Variants in ARHGAP15 observed in about 807,000 individuals in gnomAD.
The protein encoded by ARHGAP15 is rho GTPase-activating protein 15.
In ARHGAP15, 51 loss-of-function variants were observed where a neutral mutation model predicts 63.7. The observed-to-expected ratio is 0.80, with a 90% CI of 0.64 to 1.01. ARHGAP15 has a LOEUF of 1.01. ARHGAP15 is among the 50% of genes least tolerant of loss of function. The pLI, the probability that ARHGAP15 is intolerant of heterozygous loss-of-function variation, is 0.00. For synonymous variants in ARHGAP15, 191 were observed against 193.8 expected (o/e 0.99, Z 0.12); for missense variants, 560 against 564.6 (o/e 0.99, Z 0.08).
intron 8 of ARHGAP15, among the ~76,000 whole-genome samples, chr2:143,484,728 A>G (rs903145164): frequency 6.6e-6 from 1 of 152,228 alleles, no homozygotes; most frequent in Non-Finnish European, 1.5e-5. Context: ...CATTTTAAAA[A>G]GCAAAAAGAA....
rs5834942 is a variant in ARHGAP15 at position 143,259,020 on chromosome 2, C to CT, written c.474+8431dup. ...AACTTAGAAAGACCTTGATTGTGGTCTTTTTTTTTTTCTTGAAGTTGAATT... is the reference window on the plus strand; with the variant it reads ...AACTTAGAAAGACCTTGATTGTGGTCTTTTTTTTTTTTCTTGAAGTTGAATT... On this transcript the variant is annotated intron_variant, in intron 6 of 13. Coordinates refer to ENST00000295095, the MANE Select transcript of ARHGAP15 (RefSeq NM_018460.4). Among the ~76,000 whole-genome samples the CT allele has an allele frequency of 9.5e-3, 1,406 of 148,406 alleles. 11 individuals carry two copies. Among genetic ancestry groups the CT allele is most frequent in the African/African-American group, 0.028 (1,136 of 40,776 alleles).
chr2:143,536,680 A>G (rs1333207662), intron 10 of ARHGAP15, among the ~76,000 whole-genome samples: 2 of 151,922 alleles, frequency 1.3e-5, no homozygotes, highest in Non-Finnish European at 2.9e-5. Flanking sequence ...ACCTTCATCC[A>G]TGTCCCTACA....
chr2:143,142,677 A>G (rs1689419058), intron 1 of ARHGAP15, among the ~76,000 whole-genome samples: 1 of 152,058 alleles, frequency 6.6e-6, no homozygotes, highest in African/African-American at 2.4e-5. Context: ...TTGTGTTGTG[A>G]TAGTAACAGT....
chr2:143,227,844 T>A (rs1032956286), intron 4 of ARHGAP15, among the ~76,000 whole-genome samples: 3 of 152,134 alleles, frequency 2.0e-5, no homozygotes, highest in Non-Finnish European at 4.4e-5. Flanking sequence ...TAGAATAAAT[T>A]TAAATTCGTA....
chr2:143,649,813 A>T (rs1681071538), intron 12 of ARHGAP15, among the ~76,000 whole-genome samples: 1 of 142,348 alleles, frequency 7.0e-6, no homozygotes. Context: ...TGAATTGGCC[A>T]CTTTGAACAA....
At chr2:143,737,114 A>T (rs7584742) in intron 13 of ARHGAP15, among the ~76,000 whole-genome samples, 97,988 of 152,126 alleles carry the variant, frequency 0.64, 34,709 homozygotes, top group Non-Finnish European at 0.8. Context: ...GGAACAGATG[A>T]GCGCAGTTGA....
intron 3 of ARHGAP15, among the ~76,000 whole-genome samples, chr2:143,207,892 C>G (rs1194555147): frequency 1.3e-5 from 2 of 152,066 alleles, no homozygotes; most frequent in Non-Finnish European, 2.9e-5. Context: ...TCTGATTAAT[C>G]TAATGCTGTG....
chr2:143,463,974 A>T (rs1691083860), intron 8 of ARHGAP15, among the ~76,000 whole-genome samples: 1 of 152,168 alleles, frequency 6.6e-6, no homozygotes, highest in African/African-American at 2.4e-5. Flanking sequence ...TGATGGGCAT[A>T]CCTATCCAAC....
intron 11 of ARHGAP15, among the ~76,000 whole-genome samples, chr2:143,563,038 A>G (rs1696091923): frequency 6.6e-6 from 1 of 152,198 alleles, no homozygotes; most frequent in Admixed American, 6.5e-5. Context: ...TTGTGAAATA[A>G]AGGCAGAAGG....
chr2:143,481,000 T>C (rs1316603129), intron 8 of ARHGAP15, among the ~76,000 whole-genome samples: 2 of 152,152 alleles, frequency 1.3e-5, no homozygotes, highest in Admixed American at 6.6e-5. Flanking sequence ...TGTTGGAAAA[T>C]GTGAGTGGAG....
At chr2:143,154,447 T>G (rs1690001246) in intron 1 of ARHGAP15, among the ~76,000 whole-genome samples, 1 of 151,932 alleles carries the variant, frequency 6.6e-6, no homozygotes. Flanking sequence ...AACATGATTC[T>G]TCTTTTGGAT....
intron 3 of ARHGAP15, among the ~76,000 whole-genome samples, chr2:143,212,695 G>A (rs1431678928): frequency 6.6e-6 from 1 of 152,132 alleles, no homozygotes; most frequent in African/African-American, 2.4e-5. Context: ...TTAACATTGA[G>A]TAGGAATAAT....
chr2:143,670,446 G>C (rs1458121051), intron 12 of ARHGAP15, among the ~76,000 whole-genome samples: 1 of 152,118 alleles, frequency 6.6e-6, no homozygotes, highest in South Asian at 2.1e-4. Context: ...CAAAGGATGC[G>C]GAAGATCAGG....
chr2:143,573,600 C>T (rs564504378), intron 11 of ARHGAP15, among the ~76,000 whole-genome samples: 3 of 152,318 alleles, frequency 2.0e-5, no homozygotes, highest in South Asian at 4.1e-4. Context: ...AGTGAATGCA[C>T]ATTTAAAAGT....
intron 6 of ARHGAP15, among the ~76,000 whole-genome samples, chr2:143,343,088 G>T (rs923805819): frequency 2.0e-5 from 3 of 152,070 alleles, no homozygotes; most frequent in Non-Finnish European, 2.9e-5. Flanking sequence ...TAAGTATTTA[G>T]AGAGTGATGA....
chr2:143,329,781 C>A (rs1417638738), intron 6 of ARHGAP15, among the ~76,000 whole-genome samples: 2 of 151,626 alleles, frequency 1.3e-5, no homozygotes, highest in African/African-American at 2.4e-5. Flanking sequence ...CACATACACA[C>A]CCCCCTCCGT....
At chr2:143,624,770 C>T (rs1698773518) in intron 12 of ARHGAP15, among the ~76,000 whole-genome samples, 1 of 152,174 alleles carries the variant, frequency 6.6e-6, no homozygotes, top group Non-Finnish European at 1.5e-5. Context: ...CCATAATTTG[C>T]TTATGAGCAG....
At chr2:143,593,429 G>A (rs1697395011) in intron 11 of ARHGAP15, 1 of 152,152 alleles carries the variant, frequency 6.6e-6, no homozygotes, top group African/African-American at 2.4e-5. Context: ...ATTAAAACTT[G>A]AGAAGATTGG....
chr2:143,327,694 T>A (rs1457093721), intron 6 of ARHGAP15, among the ~76,000 whole-genome samples: 1 of 152,182 alleles, frequency 6.6e-6, no homozygotes, highest in Non-Finnish European at 1.5e-5. Context: ...GACATAGGCA[T>A]GGGCAAAGAC....
Sources: gnomAD v4.1 joint callset for allele counts (sites outside exome capture counted in the v4.1 genomes callset) on GRCh38, gnomAD v4.1.1 for gene constraint, MANE v1.5 for transcripts, NCBI Gene and HGNC (gene_info 2026-07-23, HGNC 2026-07-21) for gene names.